Variants in MCPH1 observed in about 807,000 individuals in gnomAD.
MCPH1 encodes the protein microcephalin.
Under a neutral mutation model 84.5 loss-of-function variants are expected in MCPH1, and 104 were observed. That is an observed-to-expected ratio of 1.23 (90% CI 1.05 to 1.45). MCPH1 has a LOEUF of 1.45. Among genes scored for constraint, MCPH1 ranks in the 40% most tolerant of loss-of-function variants. MCPH1 has a pLI of 0.00. For missense variants in MCPH1, 1,498 were observed against 1,005.7 expected, an observed-to-expected ratio of 1.49 and a Z score of -6.62; for synonymous variants, 514 against 366.8, an observed-to-expected ratio of 1.40 and a Z score of -4.58.
At chr8:6,617,905 A>G (rs914724127) in intron 12 of MCPH1, among the ~76,000 whole-genome samples, 1 of 145,596 alleles carries the variant, frequency 6.9e-6, no homozygotes, top group Non-Finnish European at 1.5e-5. Flanking sequence ...TATCTAATCT[A>G]TCTATCTATC....
At chr8:6,565,894 A>T (rs570748114) in intron 12 of MCPH1, among the ~76,000 whole-genome samples, 1 of 152,212 alleles carries the variant, frequency 6.6e-6, no homozygotes, top group South Asian at 2.1e-4. Context: ...AGTTCCGAAC[A>T]TGGAAGGAAC....
intron 12 of MCPH1, among the ~76,000 whole-genome samples, chr8:6,606,878 C>T (rs1167727652): frequency 6.6e-6 from 1 of 152,230 alleles, no homozygotes; most frequent in Non-Finnish European, 1.5e-5. Context: ...GCTCTCTTCT[C>T]TTGTTTGCCA....
intron 12 of MCPH1, among the ~76,000 whole-genome samples, chr8:6,603,195 G>A (rs1829503883): frequency 6.6e-6 from 1 of 152,074 alleles, no homozygotes; most frequent in Non-Finnish European, 1.5e-5. Context: ...TGTCTCTGAG[G>A]TCTTGGGGCT....
intron 13 of MCPH1, chr8:6,642,560 A>G (rs1372070082): frequency 1.1e-5 from 3 of 270,666 alleles, no homozygotes; most frequent in African/African-American, 6.5e-5. Context: ...AGCACGGCCT[A>G]CCTCTCACCA....
At chr8:6,642,299 G>T (rs538628727) in intron 13 of MCPH1, among the ~76,000 whole-genome samples, 1 of 151,956 alleles carries the variant, frequency 6.6e-6, no homozygotes, top group Non-Finnish European at 1.5e-5. Context: ...AATGCAGTGC[G>T]CTTGCCAGGA....
chr8:6,593,954 A>G (rs745348767), intron 12 of MCPH1, among the ~76,000 whole-genome samples: 3 of 152,260 alleles, frequency 2.0e-5, no homozygotes, highest in Non-Finnish European at 2.9e-5. Flanking sequence ...AGACAGAAGC[A>G]TGGATAGAAG....
chr8:6,543,556 C>T (rs1436608963), intron 12 of MCPH1, among the ~76,000 whole-genome samples: 12 of 152,196 alleles, frequency 7.9e-5, no homozygotes, highest in South Asian at 4.1e-4. Flanking sequence ...TAGGGAAAAG[C>T]GCTGTCGTAT....
rs1388592546 is a variant in MCPH1 at position 6,499,861 on chromosome 8, T to A, written c.2146T>A (p.Ser716Thr). 1 of 1,613,060 alleles carries A rather than the reference T, an allele frequency of 6.2e-7. No homozygotes were observed. The highest frequency in any genetic ancestry group is 1.3e-5 in the African/African-American group (1 of 74,892). The change falls in exon 12 of 14, where the codon TCT (serine) becomes ACT (threonine). Residue 716 changes from serine to threonine, a missense_variant. By Grantham distance (58) the Ser-to-Thr change is moderately conservative. Coordinates refer to ENST00000344683, the MANE Select transcript of MCPH1 (RefSeq NM_024596.5). ...GTTGTGTCACTTGCAGGTGCTATGGTCTTTAGAATTGGGTCACTGGATTTC... is the reference window on the plus strand; with the variant it reads ...GTTGTGTCACTTGCAGGTGCTATGGACTTTAGAATTGGGTCACTGGATTTC... ...WVLSYDWVLW[S>T]LELGHWISEE... is the part of the protein sequence containing the mutation.
In MCPH1 at chr8:6,634,379, A is replaced by T. The variant is rs575057982; in HGVS notation, c.2453-8615A>T. 2.0e-5 allele frequency among the ~76,000 whole-genome samples: 3 copies of T among 152,348 alleles called. No homozygotes were observed. In the East Asian group the frequency reaches 5.8e-4, roughly 29 times the overall value. On this transcript the variant is annotated intron_variant, in intron 13 of 13. Transcript: ENST00000344683. Reference sequence around the variant, plus strand: ...GCTAATGAAAATCTGATGCCAGAACAAGTCTGTATTGCTGATGAGACATGA... The same window carrying T: ...GCTAATGAAAATCTGATGCCAGAACTAGTCTGTATTGCTGATGAGACATGA...
rs992270019 is a variant in MCPH1 at position 6,604,799 on chromosome 8, C to G, written c.2215-16655C>G. ...GGATTACAGGTGTGAGACACCACAT[C>G]CAGCCCAGCCTACTTTTATACTATG... On this transcript the variant is annotated intron_variant, in intron 12 of 13. Transcript: ENST00000344683. Among the ~76,000 whole-genome samples, 9 of 152,200 alleles carry G rather than the reference C, an allele frequency of 5.9e-5. 1 individual carries two copies. The highest frequency in any genetic ancestry group is 1.9e-4 in the African/African-American group (8 of 41,436).
intron 2 of MCPH1, among the ~76,000 whole-genome samples, chr8:6,410,841 C>A (rs1186568545): frequency 6.6e-6 from 1 of 151,966 alleles, no homozygotes; most frequent in Admixed American, 6.6e-5. Context: ...AGAAAACAGG[C>A]ATTATTAGGA....
chr8:6,598,801 G>A (rs1032976776), intron 12 of MCPH1, among the ~76,000 whole-genome samples: 3 of 152,240 alleles, frequency 2.0e-5, no homozygotes, highest in Non-Finnish European at 2.9e-5. Flanking sequence ...TAACACTTCA[G>A]AGAGCGGATG....
chr8:6,479,133 G>A (rs1402118964), intron 10 of MCPH1, among the ~76,000 whole-genome samples: 1 of 152,124 alleles, frequency 6.6e-6, no homozygotes, highest in Non-Finnish European at 1.5e-5. Context: ...AGACTTGGTG[G>A]TGAATTGCCT....
chr8:6,591,144 G>A (rs1156706562), intron 12 of MCPH1, among the ~76,000 whole-genome samples: 2 of 152,210 alleles, frequency 1.3e-5, no homozygotes, highest in African/African-American at 2.4e-5. Context: ...TGATCAGCCC[G>A]CCTTGGCCTC....
At chr8:6,515,457 A>G (rs1337750277) in intron 12 of MCPH1, among the ~76,000 whole-genome samples, 1 of 152,164 alleles carries the variant, frequency 6.6e-6, no homozygotes, top group Non-Finnish European at 1.5e-5. Flanking sequence ...CTCTGTACAT[A>G]GCTCACTGCC....
In MCPH1 at chr8:6,436,095, T is replaced by C; in HGVS notation, c.369T>C (p.Asn123=). 2 of 1,613,618 alleles carry C rather than the reference T, an allele frequency of 1.2e-6. No individual in the cohort carries two copies. Among genetic ancestry groups the C allele is most frequent in the South Asian group, 2.2e-5 (2 of 91,032 alleles). ...PKDFNFKTPE[N]DKRFQKKFEK... is the part of the protein sequence containing the mutation. ...ATTTTAATTTTAAAACACCAGAAAA[T>C]GATAAGAGATTTCAGAAGAAATTTG... The change falls in exon 5 of 14, where the codon AAT becomes AAC. Residue 123 remains asparagine (N), a synonymous_variant. Coordinates refer to ENST00000344683, the MANE Select transcript of MCPH1 (RefSeq NM_024596.5).
intron 12 of MCPH1, among the ~76,000 whole-genome samples, chr8:6,601,462 G>A (rs1301311214): frequency 2.0e-5 from 3 of 151,544 alleles, no homozygotes; most frequent in Admixed American, 6.6e-5. Context: ...GCAGGGAGCC[G>A]GACGTCTGTG....
chr8:6,474,431 C>T (rs1739547659), intron 9 of MCPH1: 1 of 219,302 alleles, frequency 4.6e-6, no homozygotes, highest in African/African-American at 2.3e-5. Context: ...ACTACTAAGA[C>T]TTTAACATGC....
intron 2 of MCPH1, among the ~76,000 whole-genome samples, chr8:6,409,973 G>A (rs773836317): frequency 6.7e-6 from 1 of 148,526 alleles, no homozygotes; most frequent in African/African-American, 2.6e-5. Flanking sequence ...AAAGTAGGGA[G>A]TAATTTTTTT....
Sources: allele counts gnomAD v4.1 joint callset (sites outside exome capture counted in the v4.1 genomes callset), GRCh38; gene constraint gnomAD v4.1.1; transcripts MANE v1.5; gene names NCBI Gene and HGNC (gene_info 2026-07-23, HGNC 2026-07-21).